The following TOPAZ1 variants were observed in gnomAD, a reference collection of about 807,000 sequenced individuals.
TOPAZ1 encodes the protein testis and ovary specific TOPAZ 1, also known as protein TOPAZ1.
Under a neutral mutation model 172.2 loss-of-function variants are expected in TOPAZ1, and 66 were observed. That is an observed-to-expected ratio of 0.38 (90% CI 0.31 to 0.47). The LOEUF (loss-of-function observed/expected upper bound fraction) is 0.47, where lower values mean the gene tolerates loss of function less well. Ranked by LOEUF, TOPAZ1 falls within the 20% of genes least tolerant of loss-of-function variation. TOPAZ1 has a pLI of 0.99. For missense variants in TOPAZ1, 1,822 were observed against 1,972.4 expected (o/e 0.92, Z 1.44); for synonymous variants, 681 against 683.9 (o/e 1.00, Z 0.07).
At chr3:44,273,783 A>G (rs1699922929) in intron 8 of TOPAZ1, among the ~76,000 whole-genome samples, 2 of 152,226 alleles carry the variant, frequency 1.3e-5, no homozygotes. Flanking sequence ...CACACAAGCA[A>G]ACAAATCAAT....
intron 2 of TOPAZ1, among the ~76,000 whole-genome samples, chr3:44,250,098 C>T (rs1699612559): frequency 6.6e-6 from 1 of 152,110 alleles, no homozygotes; most frequent in Non-Finnish European, 1.5e-5. Flanking sequence ...TCATTAGACC[C>T]ATGCATAGAC....
At chr3:44,259,470 G>A (rs1699751551) in intron 4 of TOPAZ1, among the ~76,000 whole-genome samples, 3 of 152,154 alleles carry the variant, frequency 2.0e-5, no homozygotes. Context: ...ATGTAATGAT[G>A]TCTTGTTTTT....
At chr3:44,255,662 A>AAAAAAAT (rs1244611647) in intron 3 of TOPAZ1, among the ~76,000 whole-genome samples, 1 of 80,006 alleles carries the variant, frequency 1.2e-5, no homozygotes, top group African/African-American at 5.8e-5. Context: ...AAAAAAAAAA[A>AAAAAAAT]ATATATATAC....
chr3:44,257,174 A>T lies in TOPAZ1; in HGVS notation c.2955+896A>T, dbSNP rs183516455. Among the ~76,000 whole-genome samples the T allele has an allele frequency of 6.2e-3, 932 of 151,294 alleles. 7 individuals are homozygous for T. Among genetic ancestry groups the T allele is most frequent in the African/African-American group, 0.021 (859 of 41,210 alleles). On this transcript the variant is annotated intron_variant, in intron 4 of 19. Transcript: ENST00000309765. ...TGAGACCTTGTCTCTACAAAAAAAA[A>T]TTTTTTTTTAATTAGCAAGGCGTGC...
intron 11 of TOPAZ1, among the ~76,000 whole-genome samples, chr3:44,288,625 C>T (rs1700104192): frequency 6.6e-6 from 1 of 152,130 alleles, no homozygotes; most frequent in Admixed American, 6.5e-5. Flanking sequence ...GCGGAGGTTG[C>T]AGTGAGCCAA....
chr3:44,242,822 C>A lies in TOPAZ1; in HGVS notation c.347-31C>A, dbSNP rs115522470. ...TGCATTTTCCTCCTCAATATAAAAT[C>A]TTTTCTGATATATTTTGTTGTTTTG... On this transcript the variant is annotated intron_variant, in intron 1 of 19. Coordinates refer to ENST00000309765, the MANE Select transcript of TOPAZ1 (RefSeq NM_001145030.2). 1.7e-3 allele frequency: 2,408 copies of A among 1,438,056 alleles called. 35 individuals carry two copies. The African/African-American group carries it at 0.032, about 19-fold the overall frequency. 89.1% of individuals were successfully genotyped at this position (1,438,056 alleles called of 1,614,324 possible). A position where few individuals can be genotyped will look rare whatever the true frequency, so the allele number is the denominator to read the frequency against.
intron 11 of TOPAZ1, among the ~76,000 whole-genome samples, chr3:44,288,617 G>A (rs929735911): frequency 2.6e-5 from 4 of 152,194 alleles, no homozygotes; most frequent in East Asian, 1.9e-4. Flanking sequence ...CCTGGGAGGC[G>A]GAGGTTGCAG....
chr3:44,317,824 C>T (rs1028195856), intron 16 of TOPAZ1, among the ~76,000 whole-genome samples: 1 of 152,180 alleles, frequency 6.6e-6, no homozygotes, highest in Non-Finnish European at 1.5e-5. Flanking sequence ...ATTTAATTCT[C>T]ATGAGTTCTC....
intron 11 of TOPAZ1, 65 bp downstream of exon 11, chr3:44,287,904 G>T: frequency 1.6e-5 from 10 of 643,906 alleles, no homozygotes; most frequent in Non-Finnish European, 2.4e-5. Context: ...TGTTTCCATG[G>T]GGGGGTACCC....
chr3:44,300,607 T>C (rs1287380457), intron 12 of TOPAZ1, among the ~76,000 whole-genome samples: 1 of 152,128 alleles, frequency 6.6e-6, no homozygotes, highest in Non-Finnish European at 1.5e-5. Flanking sequence ...TTTTTTTAAA[T>C]ATTGTTAACA....
rs1448391072 is a variant in TOPAZ1, at chr3:44,243,696, G to A, written c.1190G>A (p.Ser397Asn). The change falls in exon 2 of 20, where the codon AGT becomes AAT. Residue 397 changes from serine (S) to asparagine (N), a missense_variant. Transcript: ENST00000309765. ...NTVSLMDHLL[S>N]VPETVEKETS... ...GTCTCTTTGATGGATCATTTATTAA[G>A]TGTCCCAGAAACAGTAGAAAAAGAA... 1 of 1,550,238 alleles carries A rather than the reference G, an allele frequency of 6.5e-7. No homozygotes were observed.
At position 44,243,210 on chromosome 3, in the gene TOPAZ1, C is replaced by A; in HGVS notation, c.704C>A (p.Ser235Tyr). ...CGTGATTGCAATTGTTTCCCCCATT[C>A]CAAGGGTTGTAATGATGAAAACAAC... ...KLRDCNCFPH[S>Y]KGCNDENNLP... Residue 235 changes from serine (S) to tyrosine (Y), a missense_variant, in exon 2 of 20, where the codon TCC (serine) becomes TAC (tyrosine). Transcript: ENST00000309765. The A allele has an allele frequency of 1.3e-6, 2 of 1,549,568 alleles. No individual in the cohort carries two copies. The highest frequency in any genetic ancestry group is 1.2e-5 in the South Asian group (1 of 83,124).
chr3:44,252,960 TCC>T (rs1699652019), intron 2 of TOPAZ1, among the ~76,000 whole-genome samples: 1 of 152,192 alleles, frequency 6.6e-6, no homozygotes, highest in African/African-American at 2.4e-5. Flanking sequence ...GTTAAACGCC[TCC>T]TGGTGAAAGT....
At chr3:44,257,174 A>G (rs183516455) in intron 4 of TOPAZ1, among the ~76,000 whole-genome samples, 1 of 151,180 alleles carries the variant, frequency 6.6e-6, no homozygotes, top group Non-Finnish European at 1.5e-5. Context: ...ACAAAAAAAA[A>G]TTTTTTTTTA....
At chr3:44,332,552 A>G (rs1449547591), downstream of TOPAZ1, among the ~76,000 whole-genome samples, 1 of 152,180 alleles carries the variant, frequency 6.6e-6, no homozygotes, top group African/African-American at 2.4e-5. Flanking sequence ...ATGAGTTTTG[A>G]AAATCTATGT....
Position 44,243,701 on chromosome 3 carries a change from C to A in TOPAZ1, c.1195C>A (p.Pro399Thr). 6.5e-7 allele frequency: 1 copy of A among 1,550,224 alleles called. No individual in the cohort carries two copies. The highest frequency in any genetic ancestry group is 8.7e-7 in the Non-Finnish European group (1 of 1,146,800). Residue 399 changes from proline to threonine, a missense_variant, in exon 2 of 20, where the codon CCA (proline) becomes ACA (threonine). By Grantham distance (38) the Pro-to-Thr change is conservative. Transcript: ENST00000309765. ...TTTGATGGATCATTTATTAAGTGTC[C>A]CAGAAACAGTAGAAAAAGAAACAAG... Reference protein sequence around the residue: ...VSLMDHLLSVPETVEKETSSE... With the variant: ...VSLMDHLLSVTETVEKETSSE...
chr3:44,248,730 C>A (rs1699595046), intron 2 of TOPAZ1, among the ~76,000 whole-genome samples: 1 of 152,152 alleles, frequency 6.6e-6, no homozygotes, highest in Non-Finnish European at 1.5e-5. Context: ...CTGAAGGCTG[C>A]TGGAATGAGT....
chr3:44,336,181 A>G (rs1575224855), downstream of TOPAZ1, among the ~76,000 whole-genome samples: 2 of 152,356 alleles, frequency 1.3e-5, no homozygotes, highest in East Asian at 3.9e-4. Flanking sequence ...GAGAAGCTGC[A>G]GGGGCTCTTT....
In TOPAZ1 at chr3:44,323,163, C is replaced by T; in HGVS notation, c.4543C>T (p.Leu1515Phe). 6.5e-7 allele frequency: 1 copy of T among 1,550,186 alleles called. No individual in the cohort carries two copies. Among genetic ancestry groups the T allele is most frequent in the Non-Finnish European group, 8.7e-7 (1 of 1,145,980 alleles). The change falls in exon 18 of 20, where the codon CTT (leucine) becomes TTT (phenylalanine). Residue 1515 changes from leucine (L) to phenylalanine (F), a missense_variant. Leu to Phe is a conservative substitution (Grantham distance 22). Around this residue, in one of 2 missense-constraint regions of TOPAZ1, gnomAD observed 333 missense variants for 481.7 expected, o/e 0.69. Transcript: ENST00000309765. ...AGGTTCCTGTATAGAAAGCAGTAGT[C>T]TTGGTATGTCATCCTCTGTGGCAGA... ...LLGSCIESSS[L>F]GMSSSVAEFM...
Sources: allele counts gnomAD v4.1 joint callset (sites outside exome capture counted in the v4.1 genomes callset), GRCh38; gene constraint gnomAD v4.1.1; regional missense constraint gnomAD v4.1.1; transcripts MANE v1.5; gene names NCBI Gene and HGNC (gene_info 2026-07-23, HGNC 2026-07-21).